Variants in GALNT9 observed in about 807,000 individuals in gnomAD.
GALNT9 encodes polypeptide N-acetylgalactosaminyltransferase 9.
Under a neutral mutation model 63.1 loss-of-function variants are expected in GALNT9, and 47 were observed. The observed-to-expected ratio is 0.75, with a 90% CI of 0.59 to 0.95. The LOEUF (loss-of-function observed/expected upper bound fraction) is 0.95. Ranked by LOEUF, GALNT9 falls within the 40% of genes least tolerant of loss-of-function variation. The pLI, the probability that GALNT9 is intolerant of heterozygous loss-of-function variation, is 0.00. For synonymous variants in GALNT9, 396 were observed against 365.7 expected (o/e 1.08, Z -0.94); for missense variants, 829 against 874.8 (o/e 0.95, Z 0.66).
rs550871544 is a variant in GALNT9 at position 132,260,939 on chromosome 12, G to A, written c.761+9C>T. The A allele has an allele frequency of 6.1e-5, 94 of 1,532,470 alleles. No homozygotes were observed. Among genetic ancestry groups the A allele is most frequent in the South Asian group, 3.5e-4 (29 of 82,106 alleles). The allele number at this position is 1,532,470 out of a possible 1,614,324, so 94.9% of individuals were successfully genotyped here. The stretch of plus-strand genomic sequence containing the variant: ...TGAGACTGGCTGTCCAGCCTGTTCC[G>A]GCCCTTACCAGCCCGTGTTGAACTC... On this transcript the variant is annotated intron_variant, in intron 4 of 10. Transcript: ENST00000328957.
intron 6 of GALNT9, chr12:132,240,771 T>G (rs2136899462): frequency 2.2e-6 from 1 of 454,744 alleles, no homozygotes; most frequent in South Asian, 1.6e-5. Flanking sequence ...AATTGGAATG[T>G]GCAGTATGAT....
intron 6 of GALNT9, among the ~76,000 whole-genome samples, chr12:132,222,886 C>T (rs1877507701): frequency 2.9e-5 from 2 of 69,152 alleles, no homozygotes; most frequent in Admixed American, 1.5e-4. Context: ...ACATACACCC[C>T]ACACAACCCG....
Position 132,266,989 on chromosome 12 carries a change from G to A in GALNT9, c.420-4364C>T, listed in dbSNP as rs528984807. Reference sequence around the variant, plus strand: ...TCTCTGAGAATAAAACGTCACAGACGCAGCCTCCACTCAGCGAGCGAAAGG... The same window carrying A: ...TCTCTGAGAATAAAACGTCACAGACACAGCCTCCACTCAGCGAGCGAAAGG... On this transcript the variant is annotated intron_variant, in intron 2 of 10. Transcript: ENST00000328957. 2.2e-3 allele frequency among the ~76,000 whole-genome samples: 330 copies of A among 152,304 alleles called. 1 individual carries two copies. Among genetic ancestry groups the A allele is most frequent in the African/African-American group, 6.5e-3 (272 of 41,556 alleles).
intron 1 of GALNT9, among the ~76,000 whole-genome samples, chr12:132,317,922 C>A (rs2135589097): frequency 6.6e-6 from 1 of 152,332 alleles, no homozygotes; most frequent in East Asian, 1.9e-4. Context: ...TTTCAAAGAA[C>A]AATTGCACTT....
intron 1 of GALNT9, among the ~76,000 whole-genome samples, chr12:132,311,519 T>C (rs188965578): frequency 5.3e-5 from 8 of 152,282 alleles, no homozygotes; most frequent in African/African-American, 1.7e-4. Flanking sequence ...TGCAACTCAA[T>C]GTTCAACAAC....
intron 6 of GALNT9, among the ~76,000 whole-genome samples, chr12:132,215,378 C>G (rs948054921): frequency 6.6e-6 from 1 of 152,258 alleles, no homozygotes; most frequent in Non-Finnish European, 1.5e-5. Context: ...CGCCCGGCAC[C>G]GCCTGGATGC....
chr12:132,200,934 T>C (rs1018428694), intron 8 of GALNT9, 190 bp downstream of exon 8: 1 of 589,922 alleles, frequency 1.7e-6, no homozygotes, highest in African/African-American at 1.9e-5. Flanking sequence ...TGTGCCTGCA[T>C]CACCGTGAAT....
In GALNT9 at chr12:132,322,911, G is replaced by A. The variant is rs553979273; in HGVS notation, c.238+6055C>T. On this transcript the variant is annotated intron_variant, in intron 1 of 10. Transcript: ENST00000328957. ...CAGTCCGCTTGCTGAGTGGCGGGGCGGCCATCGCTCTCCTGGCCGTCCCGT... is the reference window on the plus strand; with the variant it reads ...CAGTCCGCTTGCTGAGTGGCGGGGCAGCCATCGCTCTCCTGGCCGTCCCGT... 1.4e-4 allele frequency among the ~76,000 whole-genome samples: 22 copies of A among 152,326 alleles called. No homozygotes were observed. The South Asian group carries it at 1.7e-3, about 11-fold the overall frequency.
intron 6 of GALNT9, among the ~76,000 whole-genome samples, chr12:132,226,548 C>T (rs1237879005): frequency 2.9e-4 from 44 of 149,642 alleles, no homozygotes; most frequent in Non-Finnish European, 5.9e-4. Flanking sequence ...ACACAACCCA[C>T]ACCCCACTGT....
At chr12:132,217,299 AG>A (rs1347871515) in intron 6 of GALNT9, among the ~76,000 whole-genome samples, 11 of 146,552 alleles carry the variant, frequency 7.5e-5, no homozygotes, top group East Asian at 4.1e-4. Flanking sequence ...CCAGCCAGCC[AG>A]CCATCAATCC....
chr12:132,262,639 G>T lies in GALNT9; in HGVS notation c.420-14C>A. ...ATCTGTCTGCACCTGCAGGAAACAC[G>T]GTTTGGGGTGCGGTCAGGGCGCAGC... On this transcript the variant is annotated splice_polypyrimidine_tract_variant and intron_variant, in intron 2 of 10. Coordinates refer to ENST00000328957, the MANE Select transcript of GALNT9 (RefSeq NM_001122636.2). 1 of 1,535,550 alleles carries T rather than the reference G, an allele frequency of 6.5e-7. No individual in the cohort carries two copies. Among genetic ancestry groups the T allele is most frequent in the South Asian group, 1.2e-5 (1 of 82,534 alleles).
chr12:132,286,148 A>T lies in GALNT9; in HGVS notation c.419+102T>A. 3 of 1,232,728 alleles carry T rather than the reference A, an allele frequency of 2.4e-6. No individual in the cohort carries two copies. Among genetic ancestry groups the T allele is most frequent in the Non-Finnish European group, 2.1e-6 (2 of 939,282 alleles). The allele number at this position is 1,232,728 out of a possible 1,614,324, so 76.4% of individuals were successfully genotyped here. A position where few individuals can be genotyped will look rare whatever the true frequency, so the allele number is the denominator to read the frequency against. On this transcript the variant is annotated intron_variant, in intron 2 of 10. Transcript: ENST00000328957. This position sits in a 1 kb window ranked among gnomAD's most constrained non-coding sequence, Gnocchi z 7.4. Reference sequence around the variant, plus strand: ...TCCCTGGCGGGCGTGGGGGCCGCTCACTTCCCCGGCCGGCGTGGGGGGCAG... The same window carrying T: ...TCCCTGGCGGGCGTGGGGGCCGCTCTCTTCCCCGGCCGGCGTGGGGGGCAG...
chr12:132,266,375 G>A (rs781891160), intron 2 of GALNT9, among the ~76,000 whole-genome samples: 2 of 152,218 alleles, frequency 1.3e-5, no homozygotes, highest in Non-Finnish European at 2.9e-5. Flanking sequence ...ATTCTTTTGT[G>A]CTGCAAAGTC....
intron 6 of GALNT9, among the ~76,000 whole-genome samples, chr12:132,212,946 C>T (rs1159589781): frequency 2.2e-5 from 3 of 136,728 alleles, no homozygotes; most frequent in Non-Finnish European, 3.1e-5. Context: ...CCCGGGTCTG[C>T]AGCCCTCAGA....
intron 5 of GALNT9, among the ~76,000 whole-genome samples, chr12:132,249,370 AG>A (rs1555238341): frequency 6.6e-6 from 1 of 152,248 alleles, no homozygotes; most frequent in Non-Finnish European, 1.5e-5. Context: ...CATAATTTAA[AG>A]GAAGCAATTC....
At chr12:132,271,174 C>G (rs1454145006) in intron 2 of GALNT9, among the ~76,000 whole-genome samples, 1 of 152,152 alleles carries the variant, frequency 6.6e-6, no homozygotes, top group East Asian at 1.9e-4. Context: ...GCCACACGTT[C>G]TCAGCAGGGC....
Position 132,239,287 on chromosome 12 carries a change from CAG to C in GALNT9, c.1077+8621_1077+8622del, listed in dbSNP as rs1393168194. ...ACAGAGAGACACAGAGACAGAGACA[CAG>C]AGAGACAGAGAGAGACACACACTGA... On this transcript the variant is annotated intron_variant, in intron 6 of 10. Coordinates refer to ENST00000328957, the MANE Select transcript of GALNT9 (RefSeq NM_001122636.2). Among the ~76,000 whole-genome samples, 24 of 146,040 alleles carry C rather than the reference CAG, an allele frequency of 1.6e-4. 1 individual carries two copies. The highest frequency in any genetic ancestry group is 9.0e-5 in the Non-Finnish European group (6 of 66,914).
chr12:132,310,627 A>G lies in GALNT9; in HGVS notation c.238+18339T>C, dbSNP rs544416648. On this transcript the variant is annotated intron_variant, in intron 1 of 10. Transcript: ENST00000328957. The surrounding 1 kb of genome is among the most constrained non-coding windows in gnomAD (Gnocchi z 4.8). ...TCAACTTGGAAGGAAGTGGGCTTTC[A>G]AGCTCCCAGCTTCTCTTTGAGTCAC... is the stretch of plus-strand genomic sequence containing the variant. Among the ~76,000 whole-genome samples the G allele has an allele frequency of 1.4e-3, 214 of 152,266 alleles. No individual in the cohort carries two copies. The highest frequency in any genetic ancestry group is 2.6e-3 in the Non-Finnish European group (174 of 68,014).
chr12:132,239,320 TGAGAGA>T (rs2136896721), intron 6 of GALNT9, among the ~76,000 whole-genome samples: 38,332 of 91,364 alleles, frequency 0.42, 6,858 homozygotes, highest in African/African-American at 0.61. Flanking sequence ...ACTGAGAGAC[TGAGAGA>T]GAGAGACAGA....
Sources: gnomAD v4.1 joint callset for allele counts (sites outside exome capture counted in the v4.1 genomes callset) on GRCh38, gnomAD v4.1.1 for gene constraint, Gnocchi (gnomAD v3.1) non-coding constraint, MANE v1.5 for transcripts, NCBI Gene and HGNC (gene_info 2026-07-23, HGNC 2026-07-21) for gene names.